The following MYRF variants were observed in gnomAD, a reference collection of about 807,000 sequenced individuals.
MYRF encodes myelin regulatory factor.
In MYRF, 16 loss-of-function variants were observed where a neutral mutation model predicts 126.3. That is an observed-to-expected ratio of 0.13 (90% CI 0.09 to 0.19). The LOEUF is 0.19. Among genes scored for constraint, MYRF ranks in the 10% least tolerant of loss-of-function variants. The pLI, the probability that MYRF is intolerant of heterozygous loss-of-function variation, is 1.00. For missense variants in MYRF, 1,104 were observed against 1,547.0 expected, an observed-to-expected ratio of 0.71 and a Z score of 4.80; for synonymous variants, 608 against 635.3, an observed-to-expected ratio of 0.96 and a Z score of 0.65.
intron 24 of MYRF, 92 bp downstream of exon 24, chr11:61,784,017 GA>G: frequency 1.4e-6 from 2 of 1,416,348 alleles, no homozygotes; most frequent in African/African-American, 2.8e-5. Flanking sequence ...AGGACAGCCG[GA>G]GAGTCTCTGG....
At chr11:61,782,106 C>T (rs963852985) in intron 22 of MYRF, 1 of 368,282 alleles carries the variant, frequency 2.7e-6, no homozygotes, top group Non-Finnish European at 4.8e-6. Flanking sequence ...GTTATACAGC[C>T]CCTCCGAGGC....
intron 16 of MYRF, 132 bp downstream of exon 16, chr11:61,779,702 C>T: frequency 8.3e-7 from 1 of 1,203,568 alleles, no homozygotes; most frequent in Non-Finnish European, 1.2e-6. Context: ...GCCCTCCCAG[C>T]CCCGTTTCTC....
In MYRF at chr11:61,762,884, C is replaced by T. The variant is rs576016762; in HGVS notation, c.47-2741C>T. On this transcript the variant is annotated intron_variant, in intron 1 of 26. Coordinates refer to ENST00000278836, the MANE Select transcript of MYRF (RefSeq NM_001127392.3). ...GCCTCCTTCCTCCATCCTCCGTCCG[C>T]CCGGACCCTGGCACGGGAGGGTCCC... Among the ~76,000 whole-genome samples the T allele has an allele frequency of 3.3e-5, 5 of 152,274 alleles. No homozygotes were observed. The East Asian group carries it at 9.7e-4, about 29-fold the overall frequency.
At position 61,778,752 on chromosome 11, in the gene MYRF, C is replaced by T. The variant is rs959919807; in HGVS notation, c.2013+263C>T. The T allele has an allele frequency of 2.9e-5, 18 of 622,872 alleles. No homozygotes were observed. Among genetic ancestry groups the T allele is most frequent in the Middle Eastern group, 2.5e-4 (1 of 4,006 alleles). 38.6% of individuals were successfully genotyped at this position (622,872 alleles called of 1,614,324 possible). ...GTGGAGGGCCATGGCCTTCCACCCC[C>T]GGTAAAATGAGGGCGGTAATAGAAC... On this transcript the variant is annotated intron_variant, in intron 14 of 26. Coordinates refer to ENST00000278836, the MANE Select transcript of MYRF (RefSeq NM_001127392.3). This position sits in a 1 kb window ranked among gnomAD's most constrained non-coding sequence, Gnocchi z 4.6.
intron 3 of MYRF, chr11:61,767,454 A>G (rs2066096741): frequency 4.4e-6 from 2 of 456,362 alleles, no homozygotes; most frequent in Non-Finnish European, 4.4e-6. Context: ...GGGCTTGTCC[A>G]GAGCCACACA....
chr11:61,786,755 C>T lies in MYRF; in HGVS notation c.*612C>T, dbSNP rs886489924. 4.3e-4 allele frequency: 66 copies of T among 153,206 alleles called. No homozygotes were observed. Among genetic ancestry groups the T allele is most frequent in the African/African-American group, 1.6e-3 (66 of 41,450 alleles). The allele number at this position is 153,206 out of a possible 1,614,324, so 9.5% of individuals were successfully genotyped here. A position where few individuals can be genotyped will look rare whatever the true frequency, so the allele number is the denominator to read the frequency against. On this transcript the variant is annotated 3_prime_UTR_variant, in exon 27 of 27. Coordinates refer to ENST00000278836, the MANE Select transcript of MYRF (RefSeq NM_001127392.3). This position sits in a 1 kb window ranked among gnomAD's most constrained non-coding sequence, Gnocchi z 4.5. The stretch of plus-strand genomic sequence containing the variant: ...GTGTGGCCCAGGAGGTTTCTTCTCC[C>T]TGGGAGGGCTTGGCTCCCAAGAAGT...
At chr11:61,752,853 CG>C in intron 1 of MYRF, 63 bp downstream of exon 1, 1 of 1,412,400 alleles carries the variant, frequency 7.1e-7, no homozygotes. Context: ...CTGATCTCCC[CG>C]GGAACTGGGG....
chr11:61,780,068 G>A (rs779720739), intron 17 of MYRF, 138 bp downstream of exon 17: 1 of 1,203,066 alleles, frequency 8.3e-7, no homozygotes, highest in South Asian at 1.3e-5. Flanking sequence ...TCTCGGTGAG[G>A]TGGGCCTTTC....
Position 61,752,698 on chromosome 11 carries a change from G to A in MYRF, c.-47G>A. ...GCCGGCGATGCCGCGCCCCCGGGCC[G>A]GGCTGTAGCGGGGCCGCGGCTGGAG... On this transcript the variant is annotated 5_prime_UTR_variant, in exon 1 of 27. Transcript: ENST00000278836. The A allele has an allele frequency of 7.6e-7, 1 of 1,311,074 alleles. No individual in the cohort carries two copies. The highest frequency in any genetic ancestry group is 2.3e-5 in the South Asian group (1 of 43,570). 81.2% of individuals were successfully genotyped at this position (1,311,074 alleles called of 1,614,324 possible). A position where few individuals can be genotyped will look rare whatever the true frequency, so the allele number is the denominator to read the frequency against.
intron 1 of MYRF, among the ~76,000 whole-genome samples, chr11:61,758,658 T>G (rs1486329261): frequency 1.3e-5 from 2 of 152,172 alleles, no homozygotes; most frequent in Non-Finnish European, 2.9e-5. Flanking sequence ...GGTGTGAACA[T>G]GCACAGGCAT....
chr11:61,766,871 C>T (rs1400408436), intron 3 of MYRF: 9 of 379,562 alleles, frequency 2.4e-5, no homozygotes, highest in Non-Finnish European at 3.2e-5. Context: ...CAGGGGAGCT[C>T]AGGGCAAATG....
At chr11:61,769,027 C>A (rs1396447137) in intron 3 of MYRF, among the ~76,000 whole-genome samples, 1 of 152,170 alleles carries the variant, frequency 6.6e-6, no homozygotes, top group African/African-American at 2.4e-5. Context: ...CCCCAAGTGC[C>A]CTGTAGGTCT....
At position 61,776,514 on chromosome 11, in the gene MYRF, G is replaced by C. The variant is rs961942254; in HGVS notation, c.1499+82G>C. ...TGCCCTGGGTGGCACACCAGGCACA[G>C]AGTCCTACAGGCTGAGCCATTTCAC... On this transcript the variant is annotated intron_variant, in intron 10 of 26. Transcript: ENST00000278836. This position sits in a 1 kb window ranked among gnomAD's most constrained non-coding sequence, Gnocchi z 4.3. 3 of 1,164,942 alleles carry C rather than the reference G, an allele frequency of 2.6e-6. No homozygotes were observed. Among genetic ancestry groups the C allele is most frequent in the African/African-American group, 3.1e-5 (2 of 65,484 alleles). The allele number at this position is 1,164,942 out of a possible 1,614,324, so 72.2% of individuals were successfully genotyped here.
chr11:61,765,816 C>G, intron 2 of MYRF, 104 bp downstream of exon 2: 1 of 1,417,860 alleles, frequency 7.1e-7, no homozygotes, highest in Non-Finnish European at 9.6e-7. Context: ...CTGCTGTGGT[C>G]CCACCTCTGA....
At position 61,786,140 on chromosome 11, in the gene MYRF, C is replaced by T. The variant is rs746298095; in HGVS notation, c.3453C>T (p.Asp1151=). ...ACTTCCACTTCTACCGCCTGTGTGA[C>T]TGAGCTGCCCTCCTGAGGCAGCACC... The part of the protein sequence containing the change: ...DYHFHFYRLC[D] The change falls in exon 27 of 27, where the codon GAC becomes GAT. Residue 1151 remains aspartate, a synonymous_variant. Transcript: ENST00000278836. The surrounding 1 kb of genome is among the most constrained non-coding windows in gnomAD (Gnocchi z 4.5). The T allele has an allele frequency of 6.2e-7, 1 of 1,614,064 alleles. No homozygotes were observed. Among genetic ancestry groups the T allele is most frequent in the African/African-American group, 1.3e-5 (1 of 74,954 alleles).
chr11:61,766,461 C>T lies in MYRF; in HGVS notation c.398+240C>T, dbSNP rs572978457. The T allele has an allele frequency of 5.3e-5, 26 of 489,042 alleles. No homozygotes were observed. The South Asian group carries it at 7.9e-4, about 15-fold the overall frequency. 30.3% of individuals were successfully genotyped at this position (489,042 alleles called of 1,614,324 possible). The stretch of plus-strand genomic sequence containing the variant: ...TAAGCATGGGAGTGATGAGGGCTGA[C>T]GTAAGTGCTAGAAAAATCTCGATGC... On this transcript the variant is annotated intron_variant, in intron 3 of 26. Transcript: ENST00000278836.
Position 61,752,732 on chromosome 11 carries a change from G to A in MYRF, c.-13G>A. 2 of 1,454,740 alleles carry A rather than the reference G, an allele frequency of 1.4e-6. No individual in the cohort carries two copies. Among genetic ancestry groups the A allele is most frequent in the African/African-American group, 1.5e-5 (1 of 67,360 alleles). The allele number at this position is 1,454,740 out of a possible 1,614,324, so 90.1% of individuals were successfully genotyped here. ...CGGGGCCGCGGCTGGAGTGTGCGCCGGGCAGGCGGGACATGGAGGTGGTGG... is the reference window on the plus strand; with the variant it reads ...CGGGGCCGCGGCTGGAGTGTGCGCCAGGCAGGCGGGACATGGAGGTGGTGG... On this transcript the variant is annotated 5_prime_UTR_variant, in exon 1 of 27. Coordinates refer to ENST00000278836, the MANE Select transcript of MYRF (RefSeq NM_001127392.3).
In MYRF at chr11:61,777,915, CT is replaced by C. The variant is rs1282091301; in HGVS notation, c.1903+71del. ...CCTCGGGCCTCAGTGACCTTGCCCC[CT>C]GTCACCTGGAAATCCTACTCCTCTT... On this transcript the variant is annotated intron_variant, in intron 13 of 26. Coordinates refer to ENST00000278836, the MANE Select transcript of MYRF (RefSeq NM_001127392.3). The surrounding 1 kb of genome is among the most constrained non-coding windows in gnomAD (Gnocchi z 8.8). The C allele has an allele frequency of 2.4e-6, 3 of 1,241,478 alleles. No individual in the cohort carries two copies. Among genetic ancestry groups the C allele is most frequent in the Admixed American group, 2.1e-5 (1 of 47,976 alleles). The allele number at this position is 1,241,478 out of a possible 1,614,324, so 76.9% of individuals were successfully genotyped here.
Position 61,779,876 on chromosome 11 carries a change from G to A in MYRF, c.2282G>A (p.Ser761Asn), listed in dbSNP as rs1444310765. ...SSVVPDQACI[S>N]QRFLQGTIIA... ...GTGGTTCCGGACCAGGCCTGCATCA[G>A]CCAGCGCTTCCTGCAGGGAACCATC... The change falls in exon 17 of 27, where the codon AGC (serine) becomes AAC (asparagine). Residue 761 changes from serine (S) to asparagine (N), a missense_variant. Transcript: ENST00000278836. The A allele has an allele frequency of 6.2e-7, 1 of 1,614,204 alleles. No homozygotes were observed. The highest frequency in any genetic ancestry group is 8.5e-7 in the Non-Finnish European group (1 of 1,180,014).
Sources: allele counts gnomAD v4.1 joint callset (sites outside exome capture counted in the v4.1 genomes callset), GRCh38; gene constraint gnomAD v4.1.1; non-coding constraint Gnocchi (gnomAD v3.1); transcripts MANE v1.5; gene names NCBI Gene and HGNC (gene_info 2026-07-23, HGNC 2026-07-21).